The following ABCA9 variants were observed in gnomAD, a reference collection of about 807,000 sequenced individuals.
ABCA9 encodes the protein ATP-binding cassette sub-family A member 9.
ABCA9 carries 183 observed loss-of-function variants against 205.3 expected under a neutral mutation model. The ratio of observed to expected loss-of-function variants is 0.89; its 90% confidence interval spans 0.79 to 1.01. The LOEUF is 1.01. Among genes scored for constraint, ABCA9 ranks in the 50% least tolerant of loss-of-function variants. The pLI, the probability that ABCA9 is intolerant of heterozygous loss-of-function variation, is 0.00. For missense variants in ABCA9, 1,805 were observed against 1,912.4 expected, an observed-to-expected ratio of 0.94 and a Z score of 1.05; for synonymous variants, 651 against 683.3, an observed-to-expected ratio of 0.95 and a Z score of 0.74.
rs188759581 is a variant in ABCA9, at chr17:68,974,530, A to G, written c.*1385T>C. On this transcript the variant is annotated 3_prime_UTR_variant, in exon 39 of 39. Coordinates refer to ENST00000340001, the MANE Select transcript of ABCA9 (RefSeq NM_080283.4). ...TGTTTTATTTTCAAAAACTAGAAGA[A>G]TATAAGAACTAAAATCAAAGCCAAG... 2 of 152,380 alleles carry G rather than the reference A, an allele frequency of 1.3e-5. No homozygotes were observed. Among genetic ancestry groups the G allele is most frequent in the East Asian group, 3.9e-4 (2 of 5,194 alleles). The allele number at this position is 152,380 out of a possible 1,614,324, so 9.4% of individuals were successfully genotyped here. A position where few individuals can be genotyped will look rare whatever the true frequency, so the allele number is the denominator to read the frequency against.
intron 2 of ABCA9, among the ~76,000 whole-genome samples, chr17:69,050,676 T>C (rs1044153062): frequency 1.3e-5 from 2 of 152,176 alleles, no homozygotes; most frequent in African/African-American, 4.8e-5. Context: ...GCTTCTTTTT[T>C]ACTTTGTCCC....
In ABCA9 at chr17:69,016,178, CAT is replaced by C. The variant is rs1296785828; in HGVS notation, c.3039+73_3039+74del. 4 of 1,106,232 alleles carry C rather than the reference CAT, an allele frequency of 3.6e-6. No individual in the cohort carries two copies. In the African/African-American group the frequency reaches 1.0e-4, roughly 28 times the overall value. 68.5% of individuals were successfully genotyped at this position (1,106,232 alleles called of 1,614,324 possible). ...AATAGATTCACAAAAAGTAATATAACATTATTTTAGCATTTCAAGAATTTTCT... is the reference window on the plus strand; with the variant it reads ...AATAGATTCACAAAAAGTAATATAACTATTTTAGCATTTCAAGAATTTTCT... On this transcript the variant is annotated intron_variant, in intron 22 of 38. Transcript: ENST00000340001.
chr17:68,989,811 AC>A lies in ABCA9; in HGVS notation c.3955+1del. 6.5e-7 allele frequency: 1 copy of A among 1,541,640 alleles called. No individual in the cohort carries two copies. The highest frequency in any genetic ancestry group is 9.0e-7 in the Non-Finnish European group (1 of 1,115,966). On this transcript the variant is annotated splice_donor_variant, in intron 30 of 38. Transcript: ENST00000340001. LOFTEE classifies it high-confidence loss of function. ...TCTACTAATGGAACTACTGTTTCCA[AC>A]CTTTTTTAACACAAAAAGAGACATT...
At chr17:69,014,474 C>G (rs9889750) in intron 22 of ABCA9, among the ~76,000 whole-genome samples, 9,009 of 152,124 alleles carry the variant, frequency 0.059, 900 homozygotes, top group African/African-American at 0.2. Flanking sequence ...TGGTCCCAAA[C>G]GTTTCAGATA....
chr17:69,067,538 A>C, the ABCA9 span, among the ~76,000 whole-genome samples: 2 of 150,780 alleles, frequency 1.3e-5, no homozygotes, highest in Non-Finnish European at 3.0e-5. Context: ...CCTGGGCAAC[A>C]GAGTAAGCAG....
chr17:68,984,811 A>C, intron 34 of ABCA9, 74 bp downstream of exon 34: 1 of 1,581,924 alleles, frequency 6.3e-7, no homozygotes, highest in South Asian at 1.1e-5. Flanking sequence ...CTTTCTAAGT[A>C]AACAATGATT....
intron 32 of ABCA9, among the ~76,000 whole-genome samples, chr17:68,985,507 A>G (rs967861008): frequency 2.6e-5 from 4 of 152,190 alleles, no homozygotes; most frequent in Non-Finnish European, 5.9e-5. Flanking sequence ...CTGTAGTCCC[A>G]GCTACTCAGG....
rs1461215816 is a variant in ABCA9 at position 68,975,723 on chromosome 17, T to C, written c.*192A>G. The C allele has an allele frequency of 5.3e-6, 3 of 564,508 alleles. No homozygotes were observed. In the Admixed American group the frequency reaches 9.0e-5, roughly 17 times the overall value. 35.0% of individuals were successfully genotyped at this position (564,508 alleles called of 1,614,324 possible). A position where few individuals can be genotyped will look rare whatever the true frequency, so the allele number is the denominator to read the frequency against. Reference sequence around the variant, plus strand: ...GGCACAAAGGCTGCATGGTATGGCTTAGGCTTATGCCCTATGATCGCCCTC... The same window carrying C: ...GGCACAAAGGCTGCATGGTATGGCTCAGGCTTATGCCCTATGATCGCCCTC... On this transcript the variant is annotated 3_prime_UTR_variant, in exon 39 of 39. Coordinates refer to ENST00000340001, the MANE Select transcript of ABCA9 (RefSeq NM_080283.4).
intron 3 of ABCA9, among the ~76,000 whole-genome samples, chr17:69,047,668 A>G (rs954548168): frequency 2.0e-5 from 3 of 152,156 alleles, no homozygotes; most frequent in Non-Finnish European, 2.9e-5. Context: ...TATTTCTGCA[A>G]GTTTGCAAGG....
chr17:68,978,437 G>A (rs1598322044), intron 37 of ABCA9, among the ~76,000 whole-genome samples: 1 of 152,256 alleles, frequency 6.6e-6, no homozygotes, highest in African/African-American at 2.4e-5. Flanking sequence ...GCCAGTCTGT[G>A]TCTTTTAATT....
chr17:69,043,564 G>T lies in ABCA9; in HGVS notation c.725C>A (p.Ser242Ter). 1 of 1,611,772 alleles carries T rather than the reference G, an allele frequency of 6.2e-7. No homozygotes were observed. Among genetic ancestry groups the T allele is most frequent in the South Asian group, 1.1e-5 (1 of 90,618 alleles). ...ISFSTFIYYV[S>*]VNVTQERQYI... ...TTGTCTTTCTTGTGTAACATTGACT[G>T]ATACATAGTATATAAATGTAGAAAA... Residue 242 changes from serine (S) to a stop codon, truncating the protein, a stop_gained, in exon 6 of 39, where the codon TCA (serine) becomes TAA (stop). Coordinates refer to ENST00000340001, the MANE Select transcript of ABCA9 (RefSeq NM_080283.4). LOFTEE classifies it high-confidence loss of function.
At chr17:69,051,271 GCT>G in intron 1 of ABCA9, 132 bp from the exon 2 acceptor site, 1 of 709,664 alleles carries the variant, frequency 1.4e-6, no homozygotes, top group South Asian at 2.4e-5. Flanking sequence ...AAGCCAAAAG[GCT>G]AAAATAAAAA....
chr17:68,979,090 C>G (rs1312272722), intron 37 of ABCA9, among the ~76,000 whole-genome samples: 1 of 152,202 alleles, frequency 6.6e-6, no homozygotes, highest in African/African-American at 2.4e-5. Flanking sequence ...TCAGCAAAGT[C>G]TCAGGATACA....
At chr17:69,007,200 T>C (rs1989446) in intron 25 of ABCA9, among the ~76,000 whole-genome samples, 151,940 of 152,290 alleles carry the variant, frequency 1, 75,797 homozygotes, top group Middle Eastern at 1. Flanking sequence ...CAGGAGTTCA[T>C]GACCAGCCTG....
At chr17:68,998,848 C>G (rs1376957178) in intron 25 of ABCA9, among the ~76,000 whole-genome samples, 3 of 148,870 alleles carry the variant, frequency 2.0e-5, no homozygotes, top group Admixed American at 6.7e-5. Context: ...TTTTTGTATT[C>G]AAGATGTTTT....
At chr17:69,063,667 G>T (rs1342298357), upstream of ABCA9, among the ~76,000 whole-genome samples, 1 of 152,064 alleles carries the variant, frequency 6.6e-6, no homozygotes, top group Non-Finnish European at 1.5e-5. Flanking sequence ...CCGCCTCCCG[G>T]GTTCATGCCA....
chr17:69,052,335 A>T (rs1334697020), intron 1 of ABCA9, among the ~76,000 whole-genome samples: 3 of 152,184 alleles, frequency 2.0e-5, no homozygotes, highest in African/African-American at 7.2e-5. Flanking sequence ...TCTTCATGCT[A>T]CTGTACTACA....
intron 26 of ABCA9, among the ~76,000 whole-genome samples, chr17:68,995,689 C>G (rs2069595399): frequency 1.2e-5 from 1 of 81,076 alleles, no homozygotes; most frequent in Admixed American, 1.1e-4. Context: ...CCTGGAGTTG[C>G]CTTTGACTTG....
the ABCA9 span, among the ~76,000 whole-genome samples, chr17:69,078,208 T>TTG: frequency 5.8e-5 from 3 of 51,998 alleles, no homozygotes; most frequent in African/African-American, 1.0e-4. Flanking sequence ...TTTGTTTTTG[T>TTG]TGTTTTTTTT....
Sources: allele counts gnomAD v4.1 joint callset (sites outside exome capture counted in the v4.1 genomes callset), GRCh38; gene constraint gnomAD v4.1.1; transcripts MANE v1.5; gene names NCBI Gene and HGNC (gene_info 2026-07-23, HGNC 2026-07-21).